Variants in FREM2 observed in about 807,000 individuals in gnomAD.
FREM2 encodes the protein FRAS1-related extracellular matrix protein 2.
FREM2 carries 119 observed loss-of-function variants against 219.9 expected under a neutral mutation model. The observed-to-expected ratio is 0.54, with a 90% CI of 0.47 to 0.63. The LOEUF (loss-of-function observed/expected upper bound fraction) is 0.63, where lower values mean the gene tolerates loss of function less well. Ranked by LOEUF, FREM2 falls within the 30% of genes least tolerant of loss-of-function variation. The probability of loss-of-function intolerance (pLI) is 0.00; values close to 1 mark genes in which losing one functional copy is unlikely to be tolerated. For synonymous variants in FREM2, 1,562 were observed against 1,522.8 expected (o/e 1.03, Z -0.60); for missense variants, 4,030 against 3,993.6 (o/e 1.01, Z -0.25).
intron 6 of FREM2, among the ~76,000 whole-genome samples, chr13:38,821,266 A>G (rs1280210850): frequency 2.0e-5 from 3 of 148,498 alleles, no homozygotes; most frequent in African/African-American, 2.5e-5. Context: ...AATCTTATAC[A>G]TTTTTTTTTT....
intron 6 of FREM2, among the ~76,000 whole-genome samples, chr13:38,804,036 G>A (rs991258582): frequency 6.6e-6 from 1 of 151,894 alleles, no homozygotes; most frequent in Non-Finnish European, 1.5e-5. Flanking sequence ...AAAACTAACG[G>A]CAGAACAGTC....
At chr13:38,844,583 T>C (rs1188008776) in intron 6 of FREM2, among the ~76,000 whole-genome samples, 1 of 152,198 alleles carries the variant, frequency 6.6e-6, no homozygotes, top group African/African-American at 2.4e-5. Context: ...TATTCACTCA[T>C]TTGATTTTAT....
intron 20 of FREM2, 35 bp from the exon 21 acceptor site, chr13:38,877,082 C>T: frequency 6.2e-7 from 1 of 1,613,268 alleles, no homozygotes; most frequent in Non-Finnish European, 8.5e-7. Flanking sequence ...ATCAGAACCA[C>T]TGATGCATAA....
Position 38,878,914 on chromosome 13 carries a change from C to T in FREM2, c.8943C>T (p.Ala2981=). The T allele has an allele frequency of 6.2e-7, 1 of 1,614,090 alleles. No homozygotes were observed. The highest frequency in any genetic ancestry group is 8.5e-7 in the Non-Finnish European group (1 of 1,179,930). ...NAKLAVDDPE[A]ILLVNQPGSD... is the part of the protein sequence containing the mutation. ...AACTAGCAGTGGATGACCCTGAAGC[C>T]ATTCTCTTAGTGAATCAGCCTGGAT... is the stretch of plus-strand genomic sequence containing the variant. The change falls in exon 23 of 24, where the codon GCC becomes GCT. Residue 2981 remains alanine (A), a synonymous_variant. Transcript: ENST00000280481.
chr13:38,769,874 G>C, intron 4 of FREM2, 66 bp downstream of exon 4: 1 of 1,132,382 alleles, frequency 8.8e-7, no homozygotes, highest in East Asian at 2.4e-5. Flanking sequence ...TACCTTGTAG[G>C]GGTATAGCTT....
At position 38,864,368 on chromosome 13, in the gene FREM2, A is replaced by G. The variant is rs374002224; in HGVS notation, c.7745A>G (p.Asn2582Ser). The change falls in exon 16 of 24, where the codon AAC becomes AGC. Residue 2582 changes from asparagine to serine, a missense_variant. Asn to Ser is a conservative substitution (Grantham distance 46). This residue lies in a region of FREM2 where 928 missense variants were observed against 1,042.9 expected (regional missense o/e 0.89). Coordinates refer to ENST00000280481, the MANE Select transcript of FREM2 (RefSeq NM_207361.6). ...GTRVGNHKCS[N>S]LLDYTEVKTH... ...AGAGTTGGAAACCACAAGTGCTCCA[A>G]CCTCCTGGATTATACTGAAGTGAAG... 1.9e-6 allele frequency: 3 copies of G among 1,614,026 alleles called. No homozygotes were observed. The highest frequency in any genetic ancestry group is 1.3e-5 in the African/African-American group (1 of 74,924).
intron 6 of FREM2, among the ~76,000 whole-genome samples, chr13:38,795,435 TA>T (rs1313842223): frequency 6.6e-6 from 1 of 151,794 alleles, no homozygotes; most frequent in East Asian, 1.9e-4. Context: ...CTTGTAACTT[TA>T]AAAAAATTCT....
In FREM2 at chr13:38,859,327, C is replaced by G; in HGVS notation, c.7256C>G (p.Ser2419Cys). The G allele has an allele frequency of 6.2e-7, 1 of 1,614,174 alleles. No homozygotes were observed. The highest frequency in any genetic ancestry group is 8.5e-7 in the Non-Finnish European group (1 of 1,180,022). The change falls in exon 14 of 24, where the codon TCT becomes TGT. Residue 2419 changes from serine to cysteine, a missense_variant. Ser to Cys is a moderately radical substitution (Grantham distance 112, BLOSUM62 -1). Coordinates refer to ENST00000280481, the MANE Select transcript of FREM2 (RefSeq NM_207361.6). ...TATTCAGACTACGATAAAACAGGCT[C>G]TATCTGTGCAAGTGAGAACATCAAT... is the stretch of plus-strand genomic sequence containing the variant. ...PKYSDYDKTG[S>C]ICASENINDT...
intron 13 of FREM2, 152 bp from the exon 14 acceptor site, chr13:38,859,135 A>G (rs1003488853): frequency 2.9e-6 from 2 of 699,780 alleles, no homozygotes; most frequent in Non-Finnish European, 5.1e-6. Flanking sequence ...TATAAATGTT[A>G]TCATGCCTGG....
rs79851479 is a variant in FREM2, at chr13:38,806,075, A to G, written c.6019+21267A>G. Among the ~76,000 whole-genome samples the G allele has an allele frequency of 7.1e-3, 1,079 of 151,584 alleles. 23 individuals carry two copies. Among genetic ancestry groups the G allele is most frequent in the African/African-American group, 0.025 (1,040 of 41,394 alleles). The stretch of plus-strand genomic sequence containing the variant: ...GGATTCATTCACTTTTAACAAACAC[A>G]TGAGTGGGAGAGGGTAGGAAAAAAA... On this transcript the variant is annotated intron_variant, in intron 6 of 23. Transcript: ENST00000280481.
At chr13:38,782,778 G>T (rs1874168067) in intron 4 of FREM2, among the ~76,000 whole-genome samples, 1 of 152,224 alleles carries the variant, frequency 6.6e-6, no homozygotes, top group Non-Finnish European at 1.5e-5. Flanking sequence ...AACAAAGTTA[G>T]ATTTATAAAA....
intron 2 of FREM2, among the ~76,000 whole-genome samples, chr13:38,739,629 C>T (rs1011473316): frequency 6.6e-6 from 1 of 152,136 alleles, no homozygotes; most frequent in Non-Finnish European, 1.5e-5. Context: ...GAAGTCTCCT[C>T]TCAACTCTTC....
intron 4 of FREM2, among the ~76,000 whole-genome samples, chr13:38,781,875 T>C (rs1228484621): frequency 2.0e-5 from 3 of 152,168 alleles, no homozygotes; most frequent in Non-Finnish European, 4.4e-5. Flanking sequence ...GAGAGTGAGC[T>C]AGGCCCTAGG....
At chr13:38,770,287 G>T (rs746896586) in intron 4 of FREM2, among the ~76,000 whole-genome samples, 159 of 151,110 alleles carry the variant, frequency 1.1e-3, no homozygotes, top group Non-Finnish European at 1.5e-3. Flanking sequence ...CAAACTTCTG[G>T]CCTCGAGCTA....
At chr13:38,794,485 A>G (rs1874690242) in intron 6 of FREM2, among the ~76,000 whole-genome samples, 1 of 152,176 alleles carries the variant, frequency 6.6e-6, no homozygotes. Flanking sequence ...TATTTCACCA[A>G]TTTTTGAAAT....
intron 6 of FREM2, among the ~76,000 whole-genome samples, chr13:38,809,948 T>A (rs977607173): frequency 1.3e-5 from 2 of 152,098 alleles, no homozygotes; most frequent in African/African-American, 4.8e-5. Flanking sequence ...ATATTGATTC[T>A]TCTAATCTAT....
chr13:38,873,694 C>T (rs1224466396), intron 17 of FREM2, among the ~76,000 whole-genome samples: 1 of 152,170 alleles, frequency 6.6e-6, no homozygotes, highest in Non-Finnish European at 1.5e-5. Context: ...CCACAAACAT[C>T]CATAGTGTCA....
At chr13:38,880,160 A>G (rs1189733348) in intron 23 of FREM2, 124 bp from the exon 24 acceptor site, 3 of 1,040,120 alleles carry the variant, frequency 2.9e-6, no homozygotes. Flanking sequence ...AATATTAAGT[A>G]AGTTAATTCT....
chr13:38,834,176 AC>A, intron 6 of FREM2, among the ~76,000 whole-genome samples: 1 of 141,468 alleles, frequency 7.1e-6, no homozygotes. Flanking sequence ...CTTGATCCCC[AC>A]CCCCCAATAG....
Sources: allele counts gnomAD v4.1 joint callset (sites outside exome capture counted in the v4.1 genomes callset), GRCh38; gene constraint gnomAD v4.1.1; regional missense constraint gnomAD v4.1.1; transcripts MANE v1.5; gene names NCBI Gene and HGNC (gene_info 2026-07-23, HGNC 2026-07-21).